The following PSTK variants were observed in gnomAD, a reference collection of about 807,000 sequenced individuals.
PSTK encodes L-seryl-tRNA(Sec) kinase.
In PSTK, 26 loss-of-function variants were observed where a neutral mutation model predicts 38.6. The ratio of observed to expected loss-of-function variants is 0.67; its 90% CI spans 0.49 to 0.94. The LOEUF is 0.94. Among genes scored for constraint, PSTK ranks in the 40% least tolerant of loss-of-function variants. The pLI is 0.00. For missense variants in PSTK, 445 were observed against 436.3 expected, an observed-to-expected ratio of 1.02 and a Z score of -0.18; for synonymous variants, 181 against 161.7, an observed-to-expected ratio of 1.12 and a Z score of -0.91.
chr10:122,982,913 T>A lies in PSTK; in HGVS notation c.397T>A (p.Ser133Thr). 1 of 1,614,240 alleles carries A rather than the reference T, an allele frequency of 6.2e-7. No homozygotes were observed. The highest frequency in any genetic ancestry group is 8.5e-7 in the Non-Finnish European group (1 of 1,180,032). The change falls in exon 2 of 6, where the codon TCT becomes ACT. Residue 133 changes from serine to threonine, a missense_variant. Coordinates refer to ENST00000406217, the MANE Select transcript of PSTK (RefSeq NM_001363531.2). ...LIFSAAFEAQSCYLLTKTAVS... is the reference protein window; with the variant it reads ...LIFSAAFEAQTCYLLTKTAVS... ...ATTTTCTGCAGCATTTGAGGCCCAGTCTTGCTACCTCTTAACAAAAACTGC... is the reference window on the plus strand; with the variant it reads ...ATTTTCTGCAGCATTTGAGGCCCAGACTTGCTACCTCTTAACAAAAACTGC...
chr10:122,981,707 AG>A (rs1445456854), intron 1 of PSTK, among the ~76,000 whole-genome samples: 15 of 152,348 alleles, frequency 9.8e-5, no homozygotes, highest in African/African-American at 3.6e-4. Context: ...TTGTGAAGTA[AG>A]TGCAGTGTCA....
chr10:122,988,723 G>A (rs999186628), intron 5 of PSTK, among the ~76,000 whole-genome samples: 4 of 152,156 alleles, frequency 2.6e-5, no homozygotes, highest in African/African-American at 9.7e-5. Context: ...GAATTAAAAC[G>A]TCCAAGTGTT....
At chr10:122,988,181 G>A (rs1373432824) in intron 5 of PSTK, among the ~76,000 whole-genome samples, 6 of 152,094 alleles carry the variant, frequency 3.9e-5, no homozygotes, top group Admixed American at 3.9e-4. Flanking sequence ...ACATTAATAA[G>A]TTTGAGAAAC....
intron 3 of PSTK, chr10:122,985,103 C>G (rs777391278): frequency 6.6e-6 from 1 of 152,212 alleles, no homozygotes; most frequent in Non-Finnish European, 1.5e-5. Flanking sequence ...AAAATTCAAA[C>G]TCCTTACCCT....
rs1194841358 is a variant in PSTK at position 122,983,461 on chromosome 10, C to T, written c.698C>T (p.Ser233Leu). The T allele has an allele frequency of 6.8e-6, 11 of 1,612,718 alleles. 1 individual carries two copies. Among genetic ancestry groups the T allele is most frequent in the African/African-American group, 2.7e-5 (2 of 74,888 alleles). Reference protein sequence around the residue: ...SLTIPSPACASEASLEVTDLL... With the variant: ...SLTIPSPACALEASLEVTDLL... ...ACAATTCCGAGTCCAGCATGTGCTT[C>T]GGAGGCCAGGTATTCCACTCAATCA... Residue 233 changes from serine to leucine, a missense_variant, in exon 3 of 6, where the codon TCG becomes TTG. Transcript: ENST00000406217.
intron 5 of PSTK, chr10:122,987,559 G>A (rs990094573): frequency 2.6e-5 from 41 of 1,589,236 alleles, no homozygotes; most frequent in Non-Finnish European, 3.4e-5. Context: ...CATGGAATTT[G>A]AGTAAAGTCA....
chr10:122,989,418 A>AT (rs1308728003), intron 5 of PSTK, among the ~76,000 whole-genome samples: 1 of 151,888 alleles, frequency 6.6e-6, no homozygotes, highest in African/African-American at 2.4e-5. Flanking sequence ...TGCCCCGCTA[A>AT]TTTTTGTATT....
At chr10:122,988,183 T>C (rs1230590513) in intron 5 of PSTK, among the ~76,000 whole-genome samples, 1 of 152,114 alleles carries the variant, frequency 6.6e-6, no homozygotes, top group Non-Finnish European at 1.5e-5. Flanking sequence ...ATTAATAAGT[T>C]TGAGAAACAG....
intron 5 of PSTK, chr10:122,987,188 C>T: frequency 8.4e-7 from 1 of 1,193,314 alleles, no homozygotes; most frequent in Non-Finnish European, 1.2e-6. Flanking sequence ...CTAGGCCTTA[C>T]TCTAGATGCT....
chr10:122,988,032 T>C (rs948159734), intron 5 of PSTK, among the ~76,000 whole-genome samples: 2 of 152,236 alleles, frequency 1.3e-5, no homozygotes, highest in Admixed American at 1.3e-4. Context: ...TGATTTTATA[T>C]TGTAACCCAG....
intron 5 of PSTK, 21 bp from the exon 6 acceptor site, chr10:122,990,153 G>C: frequency 6.7e-7 from 1 of 1,485,074 alleles, no homozygotes; most frequent in Non-Finnish European, 9.0e-7. Context: ...CCAGTAATTT[G>C]AGAATATCTT....
Position 122,980,599 on chromosome 10 carries a change from C to T in PSTK, c.120C>T (p.His40=), listed in dbSNP as rs769533518. ...GKSTFARALA[H]RLQQEQGWAI... is the part of the protein sequence containing the mutation. The stretch of plus-strand genomic sequence containing the variant: ...CGACTTTCGCGCGCGCCCTCGCCCA[C>T]CGGCTGCAGCAGGAGCAGGGTTGGG... The change falls in exon 1 of 6, where the codon CAC becomes CAT. Residue 40 remains histidine, a synonymous_variant. Transcript: ENST00000406217. The surrounding 1 kb of genome is among the most constrained non-coding windows in gnomAD (Gnocchi z 4.3). 3.5e-5 allele frequency: 57 copies of T among 1,612,066 alleles called. No individual in the cohort carries two copies. In the South Asian group the frequency reaches 4.1e-4, roughly 12 times the overall value.
chr10:122,983,377 T>G lies in PSTK; in HGVS notation c.614T>G (p.Met205Arg), dbSNP rs1848992969. The G allele has an allele frequency of 6.2e-7, 1 of 1,614,070 alleles. No individual in the cohort carries two copies. Among genetic ancestry groups the G allele is most frequent in the Non-Finnish European group, 8.5e-7 (1 of 1,180,036 alleles). ...CTGCCTCCTGAGACCATCCACCTGA[T>G]GGGAAGAAAGCTAGAAAAGCCCAAC... ...QALPPETIHL[M>R]GRKLEKPNPE... Residue 205 changes from methionine (M) to arginine (R), a missense_variant, in exon 3 of 6, where the codon ATG becomes AGG. Coordinates refer to ENST00000406217, the MANE Select transcript of PSTK (RefSeq NM_001363531.2).
intron 2 of PSTK, 112 bp downstream of exon 2, chr10:122,983,136 A>T: frequency 8.0e-7 from 1 of 1,255,558 alleles, no homozygotes; most frequent in Non-Finnish European, 1.1e-6. Context: ...GATTTACTTA[A>T]TTTTAAAAGC....
intron 3 of PSTK, chr10:122,983,880 T>C (rs1444290336): frequency 5.5e-6 from 1 of 180,792 alleles, no homozygotes; most frequent in Admixed American, 5.4e-5. Flanking sequence ...TATGTGAGGC[T>C]TGTAGGCTAT....
intron 1 of PSTK, chr10:122,982,524 G>C: frequency 1.8e-6 from 1 of 564,490 alleles, no homozygotes; most frequent in Non-Finnish European, 3.1e-6. Context: ...GGTTGAGTCT[G>C]AGAAAGCTTT....
At chr10:122,982,661 G>A in intron 1 of PSTK, 72 bp from the exon 2 acceptor site, 2 of 1,303,968 alleles carry the variant, frequency 1.5e-6, no homozygotes. Flanking sequence ...TATGGGGCAG[G>A]GTGGCAGTGA....
At chr10:122,987,013 G>A in intron 5 of PSTK, 51 bp downstream of exon 5, 3 of 1,165,822 alleles carry the variant, frequency 2.6e-6, no homozygotes, top group Non-Finnish European at 2.6e-6. Context: ...ACTTTCTACT[G>A]CTACTGTTAT....
intron 5 of PSTK, among the ~76,000 whole-genome samples, chr10:122,988,908 A>G (rs1849072143): frequency 6.6e-6 from 1 of 152,192 alleles, no homozygotes; most frequent in South Asian, 2.1e-4. Context: ...TAATGGCAGC[A>G]TTATTCCTAA....
Sources: allele counts gnomAD v4.1 joint callset (sites outside exome capture counted in the v4.1 genomes callset), GRCh38; gene constraint gnomAD v4.1.1; non-coding constraint Gnocchi (gnomAD v3.1); transcripts MANE v1.5; gene names NCBI Gene and HGNC (gene_info 2026-07-23, HGNC 2026-07-21).